ARFGEF1: variants seen among roughly 807,000 people sequenced by gnomAD.
ARFGEF1 encodes brefeldin A-inhibited guanine nucleotide-exchange protein 1.
ARFGEF1 carries 42 observed loss-of-function variants against 231.0 expected under a neutral mutation model. The observed-to-expected ratio is 0.18, with a 90% CI of 0.14 to 0.24. The LOEUF is 0.24. ARFGEF1 is among the 10% of genes least tolerant of loss of function. The probability of loss-of-function intolerance (pLI) is 1.00; values close to 1 mark genes in which losing one functional copy is unlikely to be tolerated. For synonymous variants in ARFGEF1, 710 were observed against 732.3 expected, an observed-to-expected ratio of 0.97 and a Z score of 0.49; for missense variants, 1,345 against 2,192.0, an observed-to-expected ratio of 0.61 and a Z score of 7.72.
intron 34 of ARFGEF1, among the ~76,000 whole-genome samples, chr8:67,205,861 A>AAAAT (rs202104244): frequency 0.034 from 5,100 of 150,212 alleles, 174 homozygotes; most frequent in African/African-American, 0.082. Flanking sequence ...CCGTCTCAAA[A>AAAAT]AAATAAATAA....
chr8:67,326,665 C>T (rs1807848353), intron 1 of ARFGEF1, among the ~76,000 whole-genome samples: 1 of 152,162 alleles, frequency 6.6e-6, no homozygotes. Context: ...CCTCACTTAA[C>T]ATTGTTGTTC....
In ARFGEF1 at chr8:67,253,469, T is replaced by C. The variant is rs1025716820; in HGVS notation, c.2680A>G (p.Thr894Ala). Residue 894 changes from threonine to alanine, a missense_variant, in exon 18 of 39, where the codon ACA becomes GCA. This residue lies in a region of ARFGEF1 where 23 missense variants were observed against 21.6 expected (regional missense o/e 1.07). Coordinates refer to ENST00000262215, the MANE Select transcript of ARFGEF1 (RefSeq NM_006421.5). ...MKETKELTIP[T>A]KSSKQNVASE... ...TACTTACTCTGTTTACTTGATTTTGTAGGGATTGTTAGTTCTTTTGTTTCT... is the reference window on the plus strand; with the variant it reads ...TACTTACTCTGTTTACTTGATTTTGCAGGGATTGTTAGTTCTTTTGTTTCT... 3 of 1,564,372 alleles carry C rather than the reference T, an allele frequency of 1.9e-6. No homozygotes were observed. Among genetic ancestry groups the C allele is most frequent in the Non-Finnish European group, 2.6e-6 (3 of 1,141,282 alleles).
chr8:67,274,463 C>T (rs1336827489), intron 9 of ARFGEF1, among the ~76,000 whole-genome samples: 1 of 151,984 alleles, frequency 6.6e-6, no homozygotes, highest in Non-Finnish European at 1.5e-5. Flanking sequence ...AACAAAATTT[C>T]CTAATATTTG....
At chr8:67,245,770 T>C (rs763005062) in intron 19 of ARFGEF1, among the ~76,000 whole-genome samples, 4 of 150,144 alleles carry the variant, frequency 2.7e-5, no homozygotes, top group African/African-American at 5.0e-5. Context: ...TGAATATACA[T>C]AGGCTAAACT....
At chr8:67,204,626 T>C (rs369453341) in intron 35 of ARFGEF1, 54 bp downstream of exon 35, 1 of 1,568,542 alleles carries the variant, frequency 6.4e-7, no homozygotes. Context: ...CCCAGACTGC[T>C]ATACCTAACT....
At chr8:67,275,260 C>T (rs911748767) in intron 9 of ARFGEF1, among the ~76,000 whole-genome samples, 4 of 151,452 alleles carry the variant, frequency 2.6e-5, no homozygotes, top group Admixed American at 6.6e-5. Context: ...TAGAGGTGGG[C>T]GACTCATATA....
intron 22 of ARFGEF1, among the ~76,000 whole-genome samples, chr8:67,236,362 AAAAATATATATATATATATATATATAT>A (rs1338395791): frequency 1.2e-4 from 5 of 41,762 alleles, no homozygotes; most frequent in African/African-American, 3.6e-4. Flanking sequence ...AAAAAAAAAA[AAAAATATATATATATATATATATATAT>A]ATATATATAT....
Position 67,279,915 on chromosome 8 carries a change from T to C in ARFGEF1, c.1028-2458A>G, listed in dbSNP as rs528715314. Among the ~76,000 whole-genome samples, 33 of 152,282 alleles carry C rather than the reference T, an allele frequency of 2.2e-4. 1 individual carries two copies. Among genetic ancestry groups the C allele is most frequent in the African/African-American group, 7.7e-4 (32 of 41,570 alleles). On this transcript the variant is annotated intron_variant, in intron 7 of 38. Transcript: ENST00000262215. ...CCTCTAATTATCCTTTAAACATAGA[T>C]GCAAACTTCTACTTTCAAGGTGGTG...
At chr8:67,268,974 A>G (rs1804959638) in intron 10 of ARFGEF1, among the ~76,000 whole-genome samples, 1 of 152,182 alleles carries the variant, frequency 6.6e-6, no homozygotes, top group South Asian at 2.1e-4. Context: ...AGAGGGAAGA[A>G]AAAATTTTAG....
intron 5 of ARFGEF1, among the ~76,000 whole-genome samples, chr8:67,186,403 C>T (rs1345510634): frequency 3.6e-5 from 5 of 137,868 alleles, no homozygotes; most frequent in Non-Finnish European, 7.6e-5. Context: ...TGAAATAAAC[C>T]TCACTGTTTT....
intron 5 of ARFGEF1, among the ~76,000 whole-genome samples, chr8:67,186,174 T>C (rs546948595): frequency 2.6e-5 from 4 of 152,220 alleles, no homozygotes; most frequent in Non-Finnish European, 5.9e-5. Context: ...GATATCTGGC[T>C]GTCCTTTTTA....
At chr8:67,194,282 C>T (rs897181266), downstream of ARFGEF1, among the ~76,000 whole-genome samples, 27 of 152,150 alleles carry the variant, frequency 1.8e-4, no homozygotes, top group Admixed American at 1.7e-3. Context: ...TTGGGAAATA[C>T]TCTTTAGTCT....
chr8:67,297,769 A>T (rs539503797), intron 4 of ARFGEF1, among the ~76,000 whole-genome samples: 35 of 151,472 alleles, frequency 2.3e-4, no homozygotes, highest in Admixed American at 2.0e-3. Flanking sequence ...ATGACATGAA[A>T]CTATACATGA....
At chr8:67,212,363 G>A (rs186697877) in intron 33 of ARFGEF1, among the ~76,000 whole-genome samples, 2 of 152,278 alleles carry the variant, frequency 1.3e-5, no homozygotes, top group African/African-American at 4.8e-5. Context: ...GATTACAGGC[G>A]TGAGCCACCA....
chr8:67,299,198 A>G lies in ARFGEF1; in HGVS notation c.459+11T>C. 6.6e-7 allele frequency: 1 copy of G among 1,517,044 alleles called. No individual in the cohort carries two copies. Among genetic ancestry groups the G allele is most frequent in the South Asian group, 1.3e-5 (1 of 77,374 alleles). 94.0% of individuals were successfully genotyped at this position (1,517,044 alleles called of 1,614,324 possible). A position where few individuals can be genotyped will look rare whatever the true frequency, so the allele number is the denominator to read the frequency against. On this transcript the variant is annotated intron_variant, in intron 4 of 38. Coordinates refer to ENST00000262215, the MANE Select transcript of ARFGEF1 (RefSeq NM_006421.5). ...ATTATTAATAACAATTTTACTTTATATAATAATTACCTTTATTATCTGCAG... is the reference window on the plus strand; with the variant it reads ...ATTATTAATAACAATTTTACTTTATGTAATAATTACCTTTATTATCTGCAG...
intron 4 of ARFGEF1, among the ~76,000 whole-genome samples, chr8:67,298,304 C>T (rs549391839): frequency 6.6e-6 from 1 of 152,214 alleles, no homozygotes; most frequent in Non-Finnish European, 1.5e-5. Context: ...CTACCATTAG[C>T]AATAACATTA....
At chr8:67,183,842 A>G (rs1176810636) in intron 5 of ARFGEF1, among the ~76,000 whole-genome samples, 1 of 141,066 alleles carries the variant, frequency 7.1e-6, no homozygotes, top group South Asian at 2.2e-4. Context: ...AAAAATTGGG[A>G]ATTTTTTTTT....
At chr8:67,243,648 A>G (rs1001544133) in intron 19 of ARFGEF1, among the ~76,000 whole-genome samples, 1 of 152,224 alleles carries the variant, frequency 6.6e-6, no homozygotes, top group African/African-American at 2.4e-5. Flanking sequence ...GGATGGGTAC[A>G]AACAAGCCCA....
At chr8:67,180,481 T>C (rs1832747743) in intron 5 of ARFGEF1, among the ~76,000 whole-genome samples, 1 of 152,148 alleles carries the variant, frequency 6.6e-6, no homozygotes, top group Admixed American at 6.5e-5. Context: ...AGAGGGATCC[T>C]TGTGGTTTGG....
Sources: gnomAD v4.1 joint callset for allele counts (sites outside exome capture counted in the v4.1 genomes callset) on GRCh38, gnomAD v4.1.1 for gene constraint, gnomAD v4.1.1 regional missense constraint, MANE v1.5 for transcripts, NCBI Gene and HGNC (gene_info 2026-07-23, HGNC 2026-07-21) for gene names.